ZCCHC7: variants seen among roughly 807,000 people sequenced by gnomAD.
The protein encoded by ZCCHC7 is zinc finger CCHC domain-containing protein 7.
A neutral mutation model predicts 52.0 loss-of-function variants in ZCCHC7; 35 were observed. The observed-to-expected ratio is 0.67, with a 90% CI of 0.51 to 0.89. ZCCHC7 has a LOEUF of 0.89. Among genes scored for constraint, ZCCHC7 ranks in the 40% least tolerant of loss-of-function variants. The pLI is 0.00. For synonymous variants in ZCCHC7, 217 were observed against 221.5 expected (o/e 0.98, Z 0.18); for missense variants, 574 against 649.1 (o/e 0.88, Z 1.26).
Position 37,126,695 on chromosome 9 carries a change from T to C in ZCCHC7, c.363T>C (p.Ser121=). 1.2e-6 allele frequency: 2 copies of C among 1,614,168 alleles called. No individual in the cohort carries two copies. Among genetic ancestry groups the C allele is most frequent in the East Asian group, 4.5e-5 (2 of 44,868 alleles). Residue 121 remains serine (S), a synonymous_variant, in exon 2 of 9, where the codon TCT becomes TCC. Coordinates refer to ENST00000336755, the MANE Select transcript of ZCCHC7 (RefSeq NM_032226.3). ...AAGAAAATGCCCATGGTCTTTCTTC[T>C]TCTCTTCAATCTAATGAGCTGGTTG... is the stretch of plus-strand genomic sequence containing the variant. ...QAQENAHGLS[S]SLQSNELVDK...
intron 2 of ZCCHC7, among the ~76,000 whole-genome samples, chr9:37,210,233 G>C (rs1824142371): frequency 6.6e-6 from 1 of 152,144 alleles, no homozygotes; most frequent in South Asian, 2.1e-4. Flanking sequence ...TTGTCAAACT[G>C]ACAGTTGGTG....
At chr9:37,189,918 T>C (rs1822929623) in intron 2 of ZCCHC7, among the ~76,000 whole-genome samples, 1 of 152,228 alleles carries the variant, frequency 6.6e-6, no homozygotes, top group Non-Finnish European at 1.5e-5. Flanking sequence ...ATCAACCTTA[T>C]GCAGGCATAG....
At chr9:37,190,366 A>G (rs534519633) in intron 2 of ZCCHC7, among the ~76,000 whole-genome samples, 1 of 152,344 alleles carries the variant, frequency 6.6e-6, no homozygotes, top group South Asian at 2.1e-4. Flanking sequence ...AGCTAGAACT[A>G]GAGGCTTCTC....
chr9:37,162,204 CAT>C (rs1821144514), intron 2 of ZCCHC7, among the ~76,000 whole-genome samples: 1 of 151,756 alleles, frequency 6.6e-6, no homozygotes, highest in African/African-American at 2.4e-5. Context: ...ACATATAATA[CAT>C]AGAATTATAC....
chr9:37,304,182 C>A lies in ZCCHC7; in HGVS notation c.655-6C>A. On this transcript the variant is annotated splice_region_variant and splice_polypyrimidine_tract_variant and intron_variant, in intron 3 of 8. Coordinates refer to ENST00000336755, the MANE Select transcript of ZCCHC7 (RefSeq NM_032226.3). ...TTTTTTAATTCTTGATTTTTTTTTC[C>A]CTTAGGCCCAGATAGCTAATAACCG... 1 of 1,583,444 alleles carries A rather than the reference C, an allele frequency of 6.3e-7. No homozygotes were observed. Among genetic ancestry groups the A allele is most frequent in the Non-Finnish European group, 8.6e-7 (1 of 1,169,124 alleles).
intron 2 of ZCCHC7, among the ~76,000 whole-genome samples, chr9:37,297,741 G>A (rs1828852758): frequency 6.6e-6 from 1 of 152,146 alleles, no homozygotes; most frequent in Admixed American, 6.5e-5. Flanking sequence ...AATCTTTGGT[G>A]ATCTTTGGAA....
At chr9:37,136,043 T>C (rs1213830240) in intron 2 of ZCCHC7, among the ~76,000 whole-genome samples, 1 of 152,136 alleles carries the variant, frequency 6.6e-6, no homozygotes, top group East Asian at 1.9e-4. Flanking sequence ...ATGTGTTTTT[T>C]TGTTTGTTTT....
chr9:37,130,923 A>C (rs944632257), intron 2 of ZCCHC7, among the ~76,000 whole-genome samples: 1 of 152,190 alleles, frequency 6.6e-6, no homozygotes, highest in Middle Eastern at 3.2e-3. Context: ...AAAGACAATA[A>C]ATACATACAT....
intron 2 of ZCCHC7, among the ~76,000 whole-genome samples, chr9:37,172,960 A>G (rs562891728): frequency 2.7e-5 from 4 of 150,302 alleles, no homozygotes; most frequent in South Asian, 4.3e-4. Context: ...TTAGTGAGCA[A>G]CGTGGGCATT....
At chr9:37,328,073 T>C (rs1418972621) in intron 6 of ZCCHC7, among the ~76,000 whole-genome samples, 1 of 152,058 alleles carries the variant, frequency 6.6e-6, no homozygotes, top group African/African-American at 2.4e-5. Flanking sequence ...GATTACATCA[T>C]GGTATCTCTT....
At chr9:37,307,291 G>T (rs1305948215) in intron 5 of ZCCHC7, among the ~76,000 whole-genome samples, 1 of 152,158 alleles carries the variant, frequency 6.6e-6, no homozygotes, top group Non-Finnish European at 1.5e-5. Flanking sequence ...TGTGGAATAT[G>T]TAGTTTTCTA....
intron 2 of ZCCHC7, among the ~76,000 whole-genome samples, chr9:37,223,959 G>T (rs1824962844): frequency 6.6e-6 from 1 of 152,074 alleles, no homozygotes; most frequent in African/African-American, 2.4e-5. Context: ...AAAAATTGAA[G>T]TGGTCTTCTT....
At chr9:37,247,607 A>G (rs1826134121) in intron 2 of ZCCHC7, among the ~76,000 whole-genome samples, 1 of 152,192 alleles carries the variant, frequency 6.6e-6, no homozygotes, top group Non-Finnish European at 1.5e-5. Flanking sequence ...TCCAGTTTTG[A>G]TAAGAAATGA....
intron 2 of ZCCHC7, among the ~76,000 whole-genome samples, chr9:37,299,150 G>A (rs143631864): frequency 2.6e-5 from 4 of 152,248 alleles, no homozygotes; most frequent in African/African-American, 9.6e-5. Context: ...CATTCTTAGG[G>A]CAGTCTTAAT....
chr9:37,349,283 A>C lies in ZCCHC7; in HGVS notation c.988-74A>C, dbSNP rs1248672321. ...ACTTCTAAGGAATCCCTTACCTATA[A>C]AGCTCTTTTGGAAAGAATGAGGTTT... On this transcript the variant is annotated intron_variant, in intron 6 of 8. Transcript: ENST00000336755. 3 of 1,474,598 alleles carry C rather than the reference A, an allele frequency of 2.0e-6. No homozygotes were observed. In the Admixed American group the frequency reaches 5.5e-5, roughly 27 times the overall value. 91.3% of individuals were successfully genotyped at this position (1,474,598 alleles called of 1,614,324 possible). A position where few individuals can be genotyped will look rare whatever the true frequency, so the allele number is the denominator to read the frequency against.
intron 2 of ZCCHC7, among the ~76,000 whole-genome samples, chr9:37,193,789 A>G (rs1179720572): frequency 6.6e-6 from 1 of 152,192 alleles, no homozygotes; most frequent in African/African-American, 2.4e-5. Context: ...AGCTGGGCAC[A>G]TATCTACCAA....
intron 2 of ZCCHC7, among the ~76,000 whole-genome samples, chr9:37,131,508 T>A (rs1250275919): frequency 6.6e-6 from 1 of 151,300 alleles, no homozygotes; most frequent in Admixed American, 6.6e-5. Flanking sequence ...AGCCGGGCAT[T>A]CTGGCAAGCA....
intron 5 of ZCCHC7, among the ~76,000 whole-genome samples, chr9:37,318,150 A>G (rs1829900985): frequency 6.6e-6 from 1 of 151,966 alleles, no homozygotes; most frequent in South Asian, 2.1e-4. Flanking sequence ...CAAATATTTG[A>G]CGATGAGGAT....
chr9:37,350,293 T>C (rs1821297938), intron 7 of ZCCHC7, among the ~76,000 whole-genome samples: 1 of 152,092 alleles, frequency 6.6e-6, no homozygotes, highest in African/African-American at 2.4e-5. Flanking sequence ...CATGCCCAGC[T>C]AATTTTTTGT....
Sources: allele counts gnomAD v4.1 joint callset (sites outside exome capture counted in the v4.1 genomes callset), GRCh38; gene constraint gnomAD v4.1.1; transcripts MANE v1.5; gene names NCBI Gene and HGNC (gene_info 2026-07-23, HGNC 2026-07-21).